The following AR variants were observed in gnomAD, a reference collection of about 807,000 sequenced individuals.
AR encodes the protein androgen receptor.
AR carries 8 observed loss-of-function variants against 53.9 expected under a neutral mutation model. That is an observed-to-expected ratio of 0.15 (90% confidence interval 0.09 to 0.27). AR has a LOEUF of 0.27. AR is among the 10% of genes least tolerant of loss of function. The pLI, the probability that AR is intolerant of heterozygous loss-of-function variation, is 1.00. For missense variants in AR, 639 were observed against 742.5 expected, an observed-to-expected ratio of 0.86 and a Z score of 1.62; for synonymous variants, 359 against 316.4, an observed-to-expected ratio of 1.13 and a Z score of -1.43.
At chrX:67,672,323 G>A (rs749491050) in intron 2 of AR, among the ~76,000 whole-genome samples, 1 of 111,098 alleles carries the variant, frequency 9.0e-6, no homozygotes, top group South Asian at 3.8e-4. Flanking sequence ...TGCTTGGAGA[G>A]TTTCGTCCAT....
intron 1 of AR, among the ~76,000 whole-genome samples, chrX:67,611,314 G>A (rs1923869612): frequency 9.0e-6 from 1 of 111,260 alleles, no homozygotes; most frequent in East Asian, 2.8e-4. Flanking sequence ...AATTTTGTGT[G>A]AAAATGATTA....
chrX:67,566,024 C>CT (rs761720827), intron 1 of AR, among the ~76,000 whole-genome samples: 1 of 111,934 alleles, frequency 8.9e-6, no homozygotes, highest in Non-Finnish European at 1.9e-5. Flanking sequence ...GTAAGTCCAA[C>CT]TTTTTTCAAG....
chrX:67,622,287 G>A (rs1223888885), intron 1 of AR, among the ~76,000 whole-genome samples: 1 of 110,632 alleles, frequency 9.0e-6, no homozygotes, highest in African/African-American at 3.3e-5. Flanking sequence ...GTCGTCCCAT[G>A]GCTGATTGGC....
chrX:67,654,048 T>C (rs778765214), intron 2 of AR, among the ~76,000 whole-genome samples: 1 of 112,241 alleles, frequency 8.9e-6, no homozygotes, highest in Non-Finnish European at 1.9e-5. Flanking sequence ...GGCCAATGGT[T>C]CACTTTGTAT....
At chrX:67,569,139 C>A in intron 1 of AR, 2 of 750,278 alleles carry the variant, frequency 2.7e-6, no homozygotes, top group Non-Finnish European at 1.9e-6. Flanking sequence ...GGCATCTAGA[C>A]TAGCTTGCTT....
At chrX:67,673,266 G>A (rs774993858) in intron 2 of AR, among the ~76,000 whole-genome samples, 3 of 109,390 alleles carry the variant, frequency 2.7e-5, no homozygotes, top group South Asian at 3.9e-4. Context: ...AATCTTCTTC[G>A]TGTTCTTGTA....
At chrX:67,629,766 C>T (rs868033547) in intron 1 of AR, among the ~76,000 whole-genome samples, 1,471 of 106,645 alleles carry the variant, frequency 0.014, 15 homozygotes, top group Middle Eastern at 0.059. Context: ...CTTTCTCTTG[C>T]GGGCATTTAG....
At chrX:67,690,860 GCA>G (rs1202137453) in intron 3 of AR, among the ~76,000 whole-genome samples, 3 of 111,802 alleles carry the variant, frequency 2.7e-5, no homozygotes, top group African/African-American at 6.5e-5. Context: ...TTGAATAAAG[GCA>G]CAGAGACATG....
chrX:67,659,222 C>CTT (rs200002193), intron 2 of AR, among the ~76,000 whole-genome samples: 5 of 106,250 alleles, frequency 4.7e-5, no homozygotes, highest in African/African-American at 6.9e-5. Flanking sequence ...ATTTCTCTTA[C>CTT]TTTTTTTTTT....
At position 67,716,755 on chromosome X, in the gene AR, A is replaced by G. The variant is rs1488841982; in HGVS notation, c.2174-723A>G. ...ACCCTGTACACTGTATGTAATATCC[A>G]TCTCCCAGGGTTGTTAGAAGGGTCA... On this transcript the variant is annotated intron_variant, in intron 4 of 7. Transcript: ENST00000374690. Among the ~76,000 whole-genome samples the G allele has an allele frequency of 1.2e-4, 13 of 112,024 alleles. 1 individual carries two copies. The South Asian group carries it at 1.5e-3, about 13-fold the overall frequency.
At chrX:67,566,109 A>G (rs1921545045) in intron 1 of AR, among the ~76,000 whole-genome samples, 1 of 112,497 alleles carries the variant, frequency 8.9e-6, no homozygotes, top group African/African-American at 3.2e-5. Context: ...CTTTTGGTTG[A>G]AGATTTGTTT....
chrX:67,584,468 T>G (rs1922436988), intron 1 of AR, among the ~76,000 whole-genome samples: 1 of 112,266 alleles, frequency 8.9e-6, no homozygotes, highest in Non-Finnish European at 1.9e-5. Flanking sequence ...TGTGTTGAGT[T>G]TATTGAAAGA....
chrX:67,555,194 A>T (rs556970086), intron 1 of AR, among the ~76,000 whole-genome samples: 162 of 110,113 alleles, frequency 1.5e-3, no homozygotes, highest in South Asian at 2.7e-3. Flanking sequence ...TAGATATTTT[A>T]AAAAAAAAGA....
At chrX:67,548,296 A>G (rs1377004485) in intron 1 of AR, among the ~76,000 whole-genome samples, 2 of 111,733 alleles carry the variant, frequency 1.8e-5, no homozygotes, top group African/African-American at 6.5e-5. Flanking sequence ...TTTACATTCC[A>G]TTAGGTTTTT....
At chrX:67,626,542 G>C (rs1386986212) in intron 1 of AR, among the ~76,000 whole-genome samples, 2 of 91,990 alleles carry the variant, frequency 2.2e-5, no homozygotes, top group African/African-American at 8.0e-5. Context: ...CCAGGTTCAT[G>C]CCATTCTCCT....
intron 2 of AR, among the ~76,000 whole-genome samples, chrX:67,674,591 C>T (rs1476141667): frequency 9.0e-6 from 1 of 111,498 alleles, no homozygotes; most frequent in African/African-American, 3.3e-5. Flanking sequence ...CCCCCATGTT[C>T]ATGGCAAGTA....
intron 1 of AR, among the ~76,000 whole-genome samples, chrX:67,638,926 C>T (rs887881835): frequency 9.0e-6 from 1 of 111,672 alleles, no homozygotes; most frequent in Admixed American, 9.5e-5. Context: ...AATGGTATTG[C>T]CTAGGTTTTC....
intron 2 of AR, among the ~76,000 whole-genome samples, chrX:67,670,499 A>AG (rs1166715387): frequency 1.9e-5 from 2 of 106,833 alleles, no homozygotes; most frequent in Non-Finnish European, 3.8e-5. Context: ...AACCAAAAAA[A>AG]TTAGCAGCTA....
intron 1 of AR, among the ~76,000 whole-genome samples, chrX:67,610,218 A>G (rs1398985255): frequency 9.0e-6 from 1 of 111,351 alleles, no homozygotes; most frequent in African/African-American, 3.3e-5. Context: ...CCCAAAGGAA[A>G]GGTCAATGGA....
Sources: gnomAD v4.1 joint callset for allele counts (sites outside exome capture counted in the v4.1 genomes callset) on GRCh38, gnomAD v4.1.1 for gene constraint, MANE v1.5 for transcripts, NCBI Gene and HGNC (gene_info 2026-07-23, HGNC 2026-07-21) for gene names.